Variants in MCM9 observed in about 807,000 individuals in gnomAD.
The protein encoded by MCM9 is DNA helicase MCM9.
In MCM9, 55 loss-of-function variants were observed where a neutral mutation model predicts 72.8. That is an observed-to-expected ratio of 0.76 (90% CI 0.61 to 0.95). MCM9 has a LOEUF of 0.95. Among genes scored for constraint, MCM9 ranks in the 40% least tolerant of loss-of-function variants. The pLI is 0.00. For missense variants in MCM9, 1,279 were observed against 1,377.0 expected, an observed-to-expected ratio of 0.93 and a Z score of 1.13; for synonymous variants, 480 against 503.4, an observed-to-expected ratio of 0.95 and a Z score of 0.62.
chr6:118,874,428 C>A (rs189960004), intron 8 of MCM9, among the ~76,000 whole-genome samples: 2 of 152,214 alleles, frequency 1.3e-5, no homozygotes, highest in Admixed American at 1.3e-4. Flanking sequence ...AATAGAGGAG[C>A]AACTTCCTCA....
chr6:118,929,732 GGA>G (rs1782223589), intron 3 of MCM9, among the ~76,000 whole-genome samples: 1 of 152,134 alleles, frequency 6.6e-6, no homozygotes, highest in Non-Finnish European at 1.5e-5. Flanking sequence ...CAACACTTTG[GGA>G]GGCCAGAGGA....
At chr6:118,873,267 A>T (rs1304390996) in intron 8 of MCM9, among the ~76,000 whole-genome samples, 1 of 150,926 alleles carries the variant, frequency 6.6e-6, no homozygotes, top group East Asian at 2.0e-4. Flanking sequence ...AGGGGAAAAG[A>T]GGAAGAAAAG....
At chr6:118,857,368 G>A (rs1776626659) in intron 8 of MCM9, among the ~76,000 whole-genome samples, 1 of 152,104 alleles carries the variant, frequency 6.6e-6, no homozygotes, top group Admixed American at 6.5e-5. Flanking sequence ...ATGGTCAGAA[G>A]AAAAGGCTTT....
At chr6:118,923,029 CAAAA>C (rs780562520) in intron 4 of MCM9, among the ~76,000 whole-genome samples, 1,844 of 43,460 alleles carry the variant, frequency 0.042, 35 homozygotes, top group African/African-American at 0.13. Flanking sequence ...AACTCCATCT[CAAAA>C]AAAAAAAAAA....
intron 9 of MCM9, among the ~76,000 whole-genome samples, chr6:118,836,794 C>A (rs1183843845): frequency 6.6e-6 from 1 of 152,120 alleles, no homozygotes; most frequent in East Asian, 1.9e-4. Flanking sequence ...AAAATGAGCT[C>A]CTCGATTCAC....
chr6:118,914,392 T>C (rs976394213), intron 6 of MCM9, among the ~76,000 whole-genome samples: 16 of 152,212 alleles, frequency 1.1e-4, no homozygotes, highest in Non-Finnish European at 1.8e-4. Context: ...TTCCTGAGCC[T>C]TTCCACGACT....
intron 8 of MCM9, among the ~76,000 whole-genome samples, chr6:118,858,843 T>G (rs370801869): frequency 6.6e-6 from 1 of 152,286 alleles, no homozygotes; most frequent in South Asian, 2.1e-4. Flanking sequence ...ATTTTCAAGA[T>G]GTCAATTCTC....
At chr6:118,831,419 G>A (rs1774551131) in intron 9 of MCM9, among the ~76,000 whole-genome samples, 1 of 151,942 alleles carries the variant, frequency 6.6e-6, no homozygotes, top group Non-Finnish European at 1.5e-5. Context: ...GCTGTCTGAG[G>A]TGAAGTCAGC....
At position 118,815,083 on chromosome 6, in the gene MCM9, A is replaced by G; in HGVS notation, c.3173T>C (p.Leu1058Ser). 1.9e-6 allele frequency: 3 copies of G among 1,550,818 alleles called. No individual in the cohort carries two copies. Among genetic ancestry groups the G allele is most frequent in the Non-Finnish European group, 2.6e-6 (3 of 1,147,026 alleles). ...TGGGGGAGTAAAGCAGAAGTTTGCCAATCTGGCTAATGTGCAGGCATGAAC... is the reference window on the plus strand; with the variant it reads ...TGGGGGAGTAAAGCAGAAGTTTGCCGATCTGGCTAATGTGCAGGCATGAAC... ...GKVHACTLAR[L>S]ANFCFTPPSE... The change falls in exon 14 of 14, where the codon TTG (leucine) becomes TCG (serine). Residue 1058 changes from leucine to serine, a missense_variant. Coordinates refer to ENST00000619706, the MANE Select transcript of MCM9 (RefSeq NM_017696.3).
chr6:118,826,112 T>G, intron 13 of MCM9, 35 bp downstream of exon 13: 1 of 1,528,686 alleles, frequency 6.5e-7, no homozygotes, highest in Non-Finnish European at 8.8e-7. Context: ...ACAAGGATTT[T>G]CCATTGTATG....
chr6:118,838,434 C>G (rs1373615699), intron 9 of MCM9, among the ~76,000 whole-genome samples: 1 of 151,488 alleles, frequency 6.6e-6, no homozygotes, highest in Non-Finnish European at 1.5e-5. Flanking sequence ...GCTGGGACTA[C>G]AGGCACCTGC....
At chr6:118,906,506 C>T (rs1433864864) in intron 8 of MCM9, among the ~76,000 whole-genome samples, 1 of 152,142 alleles carries the variant, frequency 6.6e-6, no homozygotes, top group Non-Finnish European at 1.5e-5. Flanking sequence ...ACTAATTATT[C>T]AATGATGATA....
intron 8 of MCM9, among the ~76,000 whole-genome samples, chr6:118,888,707 A>C (rs1013873152): frequency 2.0e-5 from 3 of 152,168 alleles, no homozygotes; most frequent in Non-Finnish European, 2.9e-5. Flanking sequence ...GATAAATAAA[A>C]CGTGGTATAC....
chr6:118,841,682 C>T (rs1775377071), intron 9 of MCM9, among the ~76,000 whole-genome samples: 1 of 152,130 alleles, frequency 6.6e-6, no homozygotes, highest in African/African-American at 2.4e-5. Flanking sequence ...ATACAATAAA[C>T]GTTTACTTGC....
chr6:118,893,931 A>AGCCACGCCTCCCCGCCGCG lies in MCM9; in HGVS notation c.1150+17700_1150+17718dup, dbSNP rs1375506811. The AGCCACGCCTCCCCGCCGCG allele has an allele frequency of 3.1e-5, 25 of 815,986 alleles. No individual in the cohort carries two copies. In the East Asian group the frequency reaches 6.2e-4, roughly 20 times the overall value. 50.5% of individuals were successfully genotyped at this position (815,986 alleles called of 1,614,324 possible). On this transcript the variant is annotated intron_variant, in intron 8 of 13. Coordinates refer to ENST00000619706, the MANE Select transcript of MCM9 (RefSeq NM_017696.3). Reference sequence around the variant, plus strand: ...CGGCCGGATCGCGCCCTCCCGCCGCAGCCACGCCTCCCCGCCGCGGCCACG... The same window carrying AGCCACGCCTCCCCGCCGCG: ...CGGCCGGATCGCGCCCTCCCGCCGCAGCCACGCCTCCCCGCCGCGGCCACGCCTCCCCGCCGCGGCCACG...
At chr6:118,865,168 A>G (rs1261828607) in intron 8 of MCM9, among the ~76,000 whole-genome samples, 1 of 152,122 alleles carries the variant, frequency 6.6e-6, no homozygotes, top group African/African-American at 2.4e-5. Context: ...CCTATCTCTG[A>G]AACCAGAGGG....
intron 8 of MCM9, among the ~76,000 whole-genome samples, chr6:118,906,142 G>A (rs138937308): frequency 4.6e-5 from 7 of 152,028 alleles, no homozygotes; most frequent in African/African-American, 1.2e-4. Flanking sequence ...GCATGATCTC[G>A]GCTCACTGCA....
At chr6:118,923,661 A>T (rs1781620976) in intron 4 of MCM9, 150 bp downstream of exon 4, 1 of 668,992 alleles carries the variant, frequency 1.5e-6, no homozygotes, top group African/African-American at 1.8e-5. Flanking sequence ...CTATATTCAG[A>T]TATATGTGGA....
chr6:118,931,576 T>C lies in MCM9; in HGVS notation c.148A>G (p.Thr50Ala). The C allele has an allele frequency of 6.2e-7, 1 of 1,614,172 alleles. No individual in the cohort carries two copies. The highest frequency in any genetic ancestry group is 8.5e-7 in the Non-Finnish European group (1 of 1,180,030). ...VVVNAMTLFE[T>A]NMEIGEYFNM... is the part of the protein sequence containing the mutation. The stretch of plus-strand genomic sequence containing the variant: ...AAATATTCCCCGATTTCCATGTTGG[T>C]CTCAAACAGAGTCATGGCATTAACC... Residue 50 changes from threonine (T) to alanine (A), a missense_variant, in exon 3 of 14, where the codon ACC (threonine) becomes GCC (alanine). By Grantham distance (58) the Thr-to-Ala change is moderately conservative. Coordinates refer to ENST00000619706, the MANE Select transcript of MCM9 (RefSeq NM_017696.3).
Sources: gnomAD v4.1 joint callset for allele counts (sites outside exome capture counted in the v4.1 genomes callset) on GRCh38, gnomAD v4.1.1 for gene constraint, MANE v1.5 for transcripts, NCBI Gene and HGNC (gene_info 2026-07-23, HGNC 2026-07-21) for gene names.